The following MGARP variants were observed in gnomAD, a reference collection of about 807,000 sequenced individuals.
MGARP encodes protein MGARP.
Under a neutral mutation model 11.0 loss-of-function variants are expected in MGARP, and 12 were observed. That is an observed-to-expected ratio of 1.09 (90% confidence interval 0.70 to 1.77). The LOEUF is 1.77. MGARP is among the 40% of genes most tolerant of loss of function. The pLI is 0.00. For synonymous variants in MGARP, 110 were observed against 115.4 expected (o/e 0.95, Z 0.30); for missense variants, 283 against 297.8 (o/e 0.95, Z 0.36).
rs1225367310 is a variant in MGARP, at chr4:139,280,200, G to T, written c.-42C>A. ...CGCGCAGCAGCCTCGGTACCCAGGCGCAGGCTGCCCTTCCACAGAGAGGCT... is the reference window on the plus strand; with the variant it reads ...CGCGCAGCAGCCTCGGTACCCAGGCTCAGGCTGCCCTTCCACAGAGAGGCT... On this transcript the variant is annotated 5_prime_UTR_variant, in exon 1 of 4. Transcript: ENST00000398955. 7.7e-6 allele frequency: 12 copies of T among 1,566,692 alleles called. No individual in the cohort carries two copies. The highest frequency in any genetic ancestry group is 9.5e-6 in the Non-Finnish European group (11 of 1,156,114).
chr4:139,266,830 C>A lies in MGARP; in HGVS notation c.492G>T (p.Ala164=). 1 of 1,613,712 alleles carries A rather than the reference C, an allele frequency of 6.2e-7. No individual in the cohort carries two copies. The highest frequency in any genetic ancestry group is 8.5e-7 in the Non-Finnish European group (1 of 1,180,044). The change falls in exon 4 of 4, where the codon GCG becomes GCT. Residue 164 remains alanine, a synonymous_variant. Transcript: ENST00000398955. The part of the protein sequence containing the change: ...AETGPEVTDA[A]ARETTEVNPE... The stretch of plus-strand genomic sequence containing the variant: ...GGTTTACTTCCGTGGTTTCCCTCGC[C>A]GCTGCATCTGTGACCTCTGGCCCGG...
In MGARP at chr4:139,280,221, A is replaced by T; in HGVS notation, c.-63T>A. ...AGGCGCAGGCTGCCCTTCCACAGAG[A>T]GGCTGAGAGCCTGGCAGCGCCCCGC... On this transcript the variant is annotated 5_prime_UTR_variant, in exon 1 of 4. Coordinates refer to ENST00000398955, the MANE Select transcript of MGARP (RefSeq NM_032623.4). The T allele has an allele frequency of 1.3e-6, 2 of 1,500,282 alleles. No individual in the cohort carries two copies. The highest frequency in any genetic ancestry group is 2.0e-4 in the Middle Eastern group (1 of 5,064). 92.9% of individuals were successfully genotyped at this position (1,500,282 alleles called of 1,614,324 possible).
chr4:139,275,421 G>A (rs1374852294), intron 1 of MGARP, 29 bp from the exon 2 acceptor site: 1 of 1,561,024 alleles, frequency 6.4e-7, no homozygotes, highest in Non-Finnish European at 8.8e-7. Context: ...AACACAGTTA[G>A]CTTCACTAGT....
chr4:139,275,516 G>A (rs1744853656), intron 1 of MGARP, 124 bp from the exon 2 acceptor site: 3 of 692,374 alleles, frequency 4.3e-6, no homozygotes, highest in Admixed American at 2.8e-5. Flanking sequence ...AGTGATTTTA[G>A]CTTAAGGGAA....
chr4:139,277,722 T>G (rs1349124481), intron 1 of MGARP, among the ~76,000 whole-genome samples: 1 of 151,944 alleles, frequency 6.6e-6, no homozygotes, highest in Non-Finnish European at 1.5e-5. Context: ...TGAAAAGTCA[T>G]AGCAAAATAC....
At chr4:139,274,401 T>G (rs1744835138) in intron 2 of MGARP, among the ~76,000 whole-genome samples, 1 of 152,094 alleles carries the variant, frequency 6.6e-6, no homozygotes, top group Admixed American at 6.6e-5. Flanking sequence ...ATATGGAAGT[T>G]TCTGTACTTT....
At position 139,268,227 on chromosome 4, in the gene MGARP, A is replaced by G. The variant is rs75977933; in HGVS notation, c.280+445T>C. On this transcript the variant is annotated intron_variant, in intron 3 of 3. Transcript: ENST00000398955. ...TGTTCCCATGGTCACCATTTTATCAACTGAAGGACTCATTATACACAACTG... is the reference window on the plus strand; with the variant it reads ...TGTTCCCATGGTCACCATTTTATCAGCTGAAGGACTCATTATACACAACTG... 8.5e-3 allele frequency among the ~76,000 whole-genome samples: 1,299 copies of G among 152,310 alleles called. 16 individuals are homozygous for G. Among genetic ancestry groups the G allele is most frequent in the African/African-American group, 0.028 (1,175 of 41,564 alleles).
At chr4:139,276,611 C>A (rs940438002) in intron 1 of MGARP, among the ~76,000 whole-genome samples, 1 of 152,172 alleles carries the variant, frequency 6.6e-6, no homozygotes, top group Non-Finnish European at 1.5e-5. Context: ...TTTTGGGAGG[C>A]AGAGGTGGGA....
rs565076847 is a variant in MGARP, at chr4:139,274,490, A to T, written c.186+799T>A. Among the ~76,000 whole-genome samples the T allele has an allele frequency of 4.9e-4, 74 of 152,098 alleles. 1 individual carries two copies. The highest frequency in any genetic ancestry group is 7.4e-5 in the Non-Finnish European group (5 of 67,996). ...TTTTAATAGTTATATTAATTTTTTT[A>T]AATTTTTTTTGGAAACAGAGTCTCA... On this transcript the variant is annotated intron_variant, in intron 2 of 3. Transcript: ENST00000398955.
At chr4:139,275,873 T>C (rs768961367) in intron 1 of MGARP, among the ~76,000 whole-genome samples, 16 of 152,234 alleles carry the variant, frequency 1.1e-4, no homozygotes, top group Non-Finnish European at 1.8e-4. Context: ...TCTATAAATC[T>C]ATAATACACA....
At chr4:139,272,811 G>A (rs1256187259) in intron 2 of MGARP, among the ~76,000 whole-genome samples, 2 of 147,896 alleles carry the variant, frequency 1.4e-5, no homozygotes, top group African/African-American at 2.5e-5. Flanking sequence ...TCAGCCTCCA[G>A]AGTAGCTGGG....
intron 2 of MGARP, 88 bp downstream of exon 2, chr4:139,275,201 C>T: frequency 9.8e-7 from 1 of 1,020,698 alleles, no homozygotes; most frequent in Non-Finnish European, 1.5e-6. Flanking sequence ...TAATTAATCT[C>T]ATGTCCTGAT....
rs1283998914 is a variant in MGARP, at chr4:139,266,856, T to C, written c.466A>G (p.Thr156Ala). Residue 156 changes from threonine to alanine, a missense_variant, in exon 4 of 4, where the codon ACC (threonine) becomes GCC (alanine). By Grantham distance (58) the Thr-to-Ala change is moderately conservative. Coordinates refer to ENST00000398955, the MANE Select transcript of MGARP (RefSeq NM_032623.4). ...APETTAVSAE[T>A]GPEVTDAAAR... is the part of the protein sequence containing the mutation. The stretch of plus-strand genomic sequence containing the variant: ...GCTGCATCTGTGACCTCTGGCCCGG[T>C]TTCAGCACTGACTGCTGTGGTCTCC... The C allele has an allele frequency of 6.8e-6, 11 of 1,614,072 alleles. No individual in the cohort carries two copies. Among genetic ancestry groups the C allele is most frequent in the Non-Finnish European group, 8.5e-6 (10 of 1,180,036 alleles).
intron 1 of MGARP, 128 bp from the exon 2 acceptor site, chr4:139,275,520 A>G (rs1744853689): frequency 3.0e-6 from 2 of 672,998 alleles, no homozygotes; most frequent in Middle Eastern, 3.2e-4. Flanking sequence ...ATTTTAGCTT[A>G]AGGGAATACA....
At chr4:139,270,179 A>G (rs1455731795) in intron 2 of MGARP, among the ~76,000 whole-genome samples, 1 of 151,864 alleles carries the variant, frequency 6.6e-6, no homozygotes, top group African/African-American at 2.4e-5. Flanking sequence ...GCATGCCTGT[A>G]ATCCCAGCTA....
chr4:139,269,558 G>A (rs1744747296), intron 2 of MGARP, among the ~76,000 whole-genome samples: 1 of 150,288 alleles, frequency 6.7e-6, no homozygotes, highest in Admixed American at 6.7e-5. Context: ...TTGAACCCAG[G>A]AGGTGGAGGT....
At chr4:139,271,409 C>A (rs1487178351) in intron 2 of MGARP, among the ~76,000 whole-genome samples, 5 of 151,956 alleles carry the variant, frequency 3.3e-5, no homozygotes, top group Admixed American at 3.3e-4. Context: ...GCCTGTAATC[C>A]CAGCTGCTCA....
rs1404195439 is a variant in MGARP, at chr4:139,266,768, T to C, written c.554A>G (p.Asp185Gly). The C allele has an allele frequency of 6.2e-7, 1 of 1,614,194 alleles. No individual in the cohort carries two copies. Reference protein sequence around the residue: ...TTPEVTNAALDEAVTIDNDKD... With the variant: ...TTPEVTNAALGEAVTIDNDKD... ...ATCATTATCGATGGTGACAGCTTCATCCAGGGCAGCATTTGTAACCTCTGG... is the reference window on the plus strand; with the variant it reads ...ATCATTATCGATGGTGACAGCTTCACCCAGGGCAGCATTTGTAACCTCTGG... Residue 185 changes from aspartate to glycine, a missense_variant, in exon 4 of 4, where the codon GAT becomes GGT. Coordinates refer to ENST00000398955, the MANE Select transcript of MGARP (RefSeq NM_032623.4).
At chr4:139,272,685 TC>T (rs1744802552) in intron 2 of MGARP, among the ~76,000 whole-genome samples, 1 of 138,764 alleles carries the variant, frequency 7.2e-6, no homozygotes, top group Non-Finnish European at 1.5e-5. Context: ...TATTCATATT[TC>T]TTTTTTTTTT....
Sources: allele counts gnomAD v4.1 joint callset (sites outside exome capture counted in the v4.1 genomes callset), GRCh38; gene constraint gnomAD v4.1.1; transcripts MANE v1.5; gene names NCBI Gene and HGNC (gene_info 2026-07-23, HGNC 2026-07-21).